The following CUBN variants were observed in gnomAD, a reference collection of about 807,000 sequenced individuals.
CUBN encodes the protein cubilin.
Under a neutral mutation model 405.3 loss-of-function variants are expected in CUBN, and 282 were observed. The observed-to-expected ratio is 0.70, with a 90% CI of 0.63 to 0.77. CUBN has a LOEUF of 0.77. Among genes scored for constraint, CUBN ranks in the 30% least tolerant of loss-of-function variants. CUBN has a pLI of 0.00. For synonymous variants in CUBN, 1,684 were observed against 1,617.0 expected (o/e 1.04, Z -0.99); for missense variants, 4,514 against 4,475.2 (o/e 1.01, Z -0.25).
At position 16,828,842 on chromosome 10, in the gene CUBN, T is replaced by C. The variant is rs757884282; in HGVS notation, c.10727A>G (p.Asn3576Ser). The C allele has an allele frequency of 6.8e-6, 11 of 1,613,972 alleles. No individual in the cohort carries two copies. Among genetic ancestry groups the C allele is most frequent in the Admixed American group, 6.7e-5 (4 of 60,026 alleles). ...QNYLTLYDGPNASSPSSGPYC... is the reference protein window; with the variant it reads ...QNYLTLYDGPSASSPSSGPYC... The stretch of plus-strand genomic sequence containing the variant: ...TGGTCCAGAGGATGGAGAGCTGGCG[T>C]TGGGCCCATCATAGAGTGTGAGATA... The change falls in exon 66 of 67, where the codon AAC becomes AGC. Residue 3576 changes from asparagine (N) to serine (S), a missense_variant. This residue lies in a region of CUBN where 1,186 missense variants were observed against 1,186.9 expected (regional missense o/e 1.00). Coordinates refer to ENST00000377833, the MANE Select transcript of CUBN (RefSeq NM_001081.4).
chr10:17,026,486 AGCCGGGTGTGGTG>A (rs1245567319), intron 27 of CUBN, among the ~76,000 whole-genome samples: 1 of 152,074 alleles, frequency 6.6e-6, no homozygotes, highest in African/African-American at 2.4e-5. Context: ...ATAAAAAATT[AGCCGGGTGTGGTG>A]GCGTACGCCT....
Position 17,084,452 on chromosome 10 carries a change from C to A in CUBN, c.2120G>T (p.Arg707Leu). The A allele has an allele frequency of 6.2e-7, 1 of 1,613,190 alleles. No homozygotes were observed. Among genetic ancestry groups the A allele is most frequent in the Non-Finnish European group, 8.5e-7 (1 of 1,179,798 alleles). ...TGGGTCCGTGTAGTTCCCACCACAA[C>A]GCAGATCCGCTAAGAACAGGGAAGA... ...ITYLTSPSDL[R>L]CGGNYTDPEG... is the part of the protein sequence containing the mutation. Residue 707 changes from arginine to leucine, a missense_variant, in exon 17 of 67, where the codon CGT (arginine) becomes CTT (leucine). Arg to Leu is a moderately radical substitution (Grantham distance 102, BLOSUM62 -2). Transcript: ENST00000377833.
rs954808686 is a variant in CUBN, at chr10:17,068,584, A to G, written c.2791+21T>C. 9 of 1,595,166 alleles carry G rather than the reference A, an allele frequency of 5.6e-6. No homozygotes were observed. In the African/African-American group the frequency reaches 9.4e-5, roughly 17 times the overall value. ...GATACAAGCCCAAGAGGAGGAAAAA[A>G]AAAAGGGAACAGTCTCTTACCCAAA... On this transcript the variant is annotated intron_variant, in intron 20 of 66. Coordinates refer to ENST00000377833, the MANE Select transcript of CUBN (RefSeq NM_001081.4).
At chr10:16,928,415 G>C (rs186087660) in intron 40 of CUBN, 112 bp from the exon 41 acceptor site, 2 of 1,150,444 alleles carry the variant, frequency 1.7e-6, no homozygotes, top group Non-Finnish European at 2.6e-6. Context: ...ATCAGGACTC[G>C]TAGGAGATAA....
intron 62 of CUBN, among the ~76,000 whole-genome samples, chr10:16,838,387 C>T (rs1839238480): frequency 6.6e-6 from 1 of 152,214 alleles, no homozygotes; most frequent in Non-Finnish European, 1.5e-5. Flanking sequence ...GGGTTAGTTG[C>T]TCCCCAAACT....
intron 60 of CUBN, among the ~76,000 whole-genome samples, chr10:16,845,088 C>T (rs979766615): frequency 3.9e-5 from 6 of 152,170 alleles, no homozygotes; most frequent in Admixed American, 3.9e-4. Flanking sequence ...GTACAAATAA[C>T]TTAGTGGCAG....
At position 16,851,442 on chromosome 10, in the gene CUBN, C is replaced by A; in HGVS notation, c.9456G>T (p.Gly3152=). ...GATAACCACCACATCCTTGCTGAGG[C>A]CCTGCATTAAAACAAAGACATCACT... ...GWKMSFRQTL[G]PQQGCGGYLT... Residue 3152 remains glycine (G), a splice_region_variant and synonymous_variant, in exon 60 of 67, where the codon GGG becomes GGT. Transcript: ENST00000377833. 1 of 1,613,996 alleles carries A rather than the reference C, an allele frequency of 6.2e-7. No individual in the cohort carries two copies. Among genetic ancestry groups the A allele is most frequent in the Non-Finnish European group, 8.5e-7 (1 of 1,179,920 alleles).
intron 28 of CUBN, among the ~76,000 whole-genome samples, chr10:17,005,412 C>A (rs1469140417): frequency 6.6e-6 from 1 of 152,160 alleles, no homozygotes; most frequent in African/African-American, 2.4e-5. Flanking sequence ...AATCCCCCTA[C>A]CAAGAGCCAA....
At chr10:16,875,199 G>A (rs751284277) in intron 57 of CUBN, among the ~76,000 whole-genome samples, 5 of 151,944 alleles carry the variant, frequency 3.3e-5, no homozygotes, top group Non-Finnish European at 5.9e-5. Flanking sequence ...ACAGCTCAGA[G>A]CCTTGAGCTA....
At chr10:16,998,042 C>G (rs1833782933) in intron 28 of CUBN, among the ~76,000 whole-genome samples, 1 of 151,666 alleles carries the variant, frequency 6.6e-6, no homozygotes, top group Non-Finnish European at 1.5e-5. Context: ...ATATAAAGGC[C>G]AAGGAACATA....
intron 45 of CUBN, among the ~76,000 whole-genome samples, chr10:16,917,916 T>C (rs896005674): frequency 3.9e-5 from 6 of 152,226 alleles, no homozygotes; most frequent in Non-Finnish European, 8.8e-5. Context: ...AGGGTTTTTA[T>C]AGTTTCGTGT....
rs1215655791 is a variant in CUBN, at chr10:17,075,076, T to TTC, written c.2302-3106_2302-3105insGA. 3.6e-3 allele frequency among the ~76,000 whole-genome samples: 392 copies of TTC among 108,254 alleles called. 5 individuals are homozygous for TTC. The highest frequency in any genetic ancestry group is 5.4e-3 in the Admixed American group (61 of 11,346). The allele number at this position is 108,254 out of a possible 152,430, so 71.0% of individuals were successfully genotyped here. ...AGAGAAGATTTTTCTTTGTTTTCTT[T>TTC]TTTTTTTTTTTTTTTTTTTTTTTTT... On this transcript the variant is annotated intron_variant, in intron 17 of 66. Transcript: ENST00000377833.
At chr10:17,023,498 AC>A in intron 27 of CUBN, 2 of 392,440 alleles carry the variant, frequency 5.1e-6, no homozygotes, top group African/African-American at 2.0e-5. Context: ...GCGCAAATTG[AC>A]CACCCAAAAC....
chr10:17,045,784 G>T (rs887386909), intron 24 of CUBN, 150 bp downstream of exon 24: 3 of 761,940 alleles, frequency 3.9e-6, no homozygotes, highest in Admixed American at 4.0e-5. Context: ...AAAAAGAAAT[G>T]GCTGCTGTTA....
At chr10:16,831,543 G>T in intron 64 of CUBN, 126 bp from the exon 65 acceptor site, 1 of 877,620 alleles carries the variant, frequency 1.1e-6, no homozygotes, top group Non-Finnish European at 1.8e-6. Flanking sequence ...AGTTAAGAAT[G>T]AAGCGTTTTC....
chr10:17,020,827 T>G (rs1316520095), intron 27 of CUBN, among the ~76,000 whole-genome samples: 2 of 152,198 alleles, frequency 1.3e-5, no homozygotes, highest in African/African-American at 4.8e-5. Context: ...ATTTCCAATC[T>G]TTTGCTGATA....
intron 54 of CUBN, among the ~76,000 whole-genome samples, chr10:16,898,725 G>A (rs547507581): frequency 3.3e-5 from 5 of 152,194 alleles, no homozygotes; most frequent in Admixed American, 1.3e-4. Context: ...CTCCTTCAAC[G>A]TTCCGTAATT....
At chr10:16,980,571 C>A (rs2942361) in intron 31 of CUBN, among the ~76,000 whole-genome samples, 121,884 of 151,994 alleles carry the variant, frequency 0.8, 51,203 homozygotes, top group Non-Finnish European at 0.95. Context: ...AACCATCATT[C>A]TCAGCAAACT....
intron 31 of CUBN, among the ~76,000 whole-genome samples, chr10:16,982,097 C>T (rs933336952): frequency 5.3e-5 from 8 of 152,224 alleles, no homozygotes; most frequent in South Asian, 2.1e-4. Flanking sequence ...GGAAAATTTG[C>T]TTTCCTTATT....
Sources: gnomAD v4.1 joint callset for allele counts (sites outside exome capture counted in the v4.1 genomes callset) on GRCh38, gnomAD v4.1.1 for gene constraint, gnomAD v4.1.1 regional missense constraint, MANE v1.5 for transcripts, NCBI Gene and HGNC (gene_info 2026-07-23, HGNC 2026-07-21) for gene names.